The following MRC2 variants were observed in gnomAD, a reference collection of about 807,000 sequenced individuals.
The protein encoded by MRC2 is mannose receptor C-type 2.
Under a neutral mutation model 206.2 loss-of-function variants are expected in MRC2, and 84 were observed. That is an observed-to-expected ratio of 0.41 (90% CI 0.34 to 0.49). MRC2 has a LOEUF of 0.49. Ranked by LOEUF, MRC2 falls within the 20% of genes least tolerant of loss-of-function variation. The pLI, the probability that MRC2 is intolerant of heterozygous loss-of-function variation, is 0.31. For missense variants in MRC2, 1,676 were observed against 2,001.5 expected, an observed-to-expected ratio of 0.84 and a Z score of 3.10; for synonymous variants, 798 against 800.0, an observed-to-expected ratio of 1.00 and a Z score of 0.04.
chr17:62,643,179 T>G (rs1195792939), intron 1 of MRC2, among the ~76,000 whole-genome samples: 1 of 151,130 alleles, frequency 6.6e-6, no homozygotes, highest in Non-Finnish European at 1.5e-5. Context: ...AATACAAAAA[T>G]TAGCTGGGCA....
intron 6 of MRC2, among the ~76,000 whole-genome samples, chr17:62,668,387 T>A (rs8081192): frequency 0.095 from 13,794 of 145,852 alleles, 860 homozygotes; most frequent in South Asian, 0.17. Context: ...AATAAATAAA[T>A]TTAAAAAAAA....
In MRC2 at chr17:62,690,413, A is replaced by ACTT. The variant is rs1334470846; in HGVS notation, c.3892+109_3892+111dup. The stretch of plus-strand genomic sequence containing the variant: ...ACACTGCTCTCTACCCATAGGCAGC[A>ACTT]CTTACACAAGATGCCCTCGTGCTCT... On this transcript the variant is annotated intron_variant, in intron 26 of 29. Transcript: ENST00000303375. 36 of 1,436,944 alleles carry ACTT rather than the reference A, an allele frequency of 2.5e-5. No individual in the cohort carries two copies. The South Asian group carries it at 4.9e-4, about 20-fold the overall frequency. 89.0% of individuals were successfully genotyped at this position (1,436,944 alleles called of 1,614,324 possible). A position where few individuals can be genotyped will look rare whatever the true frequency, so the allele number is the denominator to read the frequency against.
chr17:62,688,761 T>C, intron 22 of MRC2, 91 bp from the exon 23 acceptor site: 1 of 1,590,440 alleles, frequency 6.3e-7, no homozygotes, highest in Non-Finnish European at 8.6e-7. Context: ...TCTCCCTTCT[T>C]CCAGCCTCTT....
chr17:62,676,585 A>ACTG lies in MRC2; in HGVS notation c.1834+55_1834+57dup, dbSNP rs2088895753. 3 of 1,538,086 alleles carry ACTG rather than the reference A, an allele frequency of 2.0e-6. No homozygotes were observed. The South Asian group carries it at 3.9e-5, about 20-fold the overall frequency. On this transcript the variant is annotated intron_variant, in intron 11 of 29. Coordinates refer to ENST00000303375, the MANE Select transcript of MRC2 (RefSeq NM_006039.5). ...GAAGCGAGGAGGGAGGCCAGGGTGGACTGGCCCTGCCAGCACCGAGCCCCA... is the reference window on the plus strand; with the variant it reads ...GAAGCGAGGAGGGAGGCCAGGGTGGACTGCTGGCCCTGCCAGCACCGAGCCCCA...
intron 1 of MRC2, among the ~76,000 whole-genome samples, chr17:62,651,934 G>C (rs1254396412): frequency 6.6e-6 from 1 of 152,108 alleles, no homozygotes; most frequent in African/African-American, 2.4e-5. Flanking sequence ...AATACATTTT[G>C]CTACACATTT....
rs1401543946 is a variant in MRC2 at position 62,688,625 on chromosome 17, G to A, written c.3186G>A (p.Glu1062=). The A allele has an allele frequency of 3.1e-6, 5 of 1,614,124 alleles. No individual in the cohort carries two copies. Among genetic ancestry groups the A allele is most frequent in the Non-Finnish European group, 4.2e-6 (5 of 1,180,034 alleles). Residue 1062 remains glutamate (E), a synonymous_variant, in exon 22 of 30, where the codon GAG becomes GAA. Coordinates refer to ENST00000303375, the MANE Select transcript of MRC2 (RefSeq NM_006039.5). ...PLMYANWAPG[E]PSGPSPAPSG... is the part of the protein sequence containing the mutation. ...TGTATGCCAACTGGGCACCTGGGGA[G>A]CCCTCTGGCCCTAGCCCTGCTCCCA...
intron 12 of MRC2, 74 bp from the exon 13 acceptor site, chr17:62,678,430 G>C: frequency 1.3e-6 from 2 of 1,558,450 alleles, no homozygotes; most frequent in Admixed American, 4.2e-5. Context: ...CTGCCATGGT[G>C]GGAAAGGCAG....
At chr17:62,660,746 T>A (rs2147459378) in intron 1 of MRC2, among the ~76,000 whole-genome samples, 1 of 152,266 alleles carries the variant, frequency 6.6e-6, no homozygotes, top group East Asian at 1.9e-4. Context: ...AAATCCAGAT[T>A]CCCTTTAACA....
At chr17:62,682,934 C>CCCGGCCTGATTG (rs1190560284) in intron 20 of MRC2, among the ~76,000 whole-genome samples, 1 of 152,076 alleles carries the variant, frequency 6.6e-6, no homozygotes, top group Non-Finnish European at 1.5e-5. Context: ...AGCCACCGCG[C>CCCGGCCTGATTG]CCGGCCTGAT....
rs767811631 is a variant in MRC2, at chr17:62,666,423, G to A, written c.695-32G>A. Reference sequence around the variant, plus strand: ...CTGCACTCCCGAGGGACCCTGGAGGGGGCCTGAAGGAGAGGGCTGTCGTGG... The same window carrying A: ...CTGCACTCCCGAGGGACCCTGGAGGAGGCCTGAAGGAGAGGGCTGTCGTGG... On this transcript the variant is annotated intron_variant, in intron 3 of 29. Transcript: ENST00000303375. This position sits in a 1 kb window ranked among gnomAD's most constrained non-coding sequence, Gnocchi z 5.0. 1.2e-6 allele frequency: 2 copies of A among 1,613,338 alleles called. No homozygotes were observed. Among genetic ancestry groups the A allele is most frequent in the Non-Finnish European group, 1.7e-6 (2 of 1,179,914 alleles).
chr17:62,628,777 G>A (rs1021605052), intron 1 of MRC2, among the ~76,000 whole-genome samples: 23 of 152,078 alleles, frequency 1.5e-4, no homozygotes, highest in Admixed American at 6.6e-4. Context: ...CCCTCGCCAA[G>A]AATCTAAGAG....
intron 9 of MRC2, among the ~76,000 whole-genome samples, chr17:62,674,699 TGA>T (rs112159482): frequency 0.049 from 6,975 of 141,498 alleles, 363 homozygotes; most frequent in African/African-American, 0.13. Context: ...TTAGGGAGGT[TGA>T]GGGGGGGGGT....
At chr17:62,678,476 C>T in intron 12 of MRC2, 28 bp from the exon 13 acceptor site, 1 of 1,609,012 alleles carries the variant, frequency 6.2e-7, no homozygotes, top group Non-Finnish European at 8.5e-7. Flanking sequence ...GTGGGGACAG[C>T]TTAGACAGCT....
rs150592174 is a variant in MRC2 at position 62,680,888 on chromosome 17, G to A, written c.2562G>A (p.Thr854=). Reference sequence around the variant, plus strand: ...GGGCGCAGGCGCAGCGCATCTGCACGTGGTTCCAGGCCGAGCTGACCTCGG... The same window carrying A: ...GGGCGCAGGCGCAGCGCATCTGCACATGGTTCCAGGCCGAGCTGACCTCGG... The part of the protein sequence containing the change: ...STWAQAQRIC[T]WFQAELTSVH... Residue 854 remains threonine (T), a synonymous_variant, in exon 17 of 30, where the codon ACG becomes ACA. Coordinates refer to ENST00000303375, the MANE Select transcript of MRC2 (RefSeq NM_006039.5). The surrounding 1 kb of genome is among the most constrained non-coding windows in gnomAD (Gnocchi z 4.8). The A allele has an allele frequency of 2.6e-5, 42 of 1,613,056 alleles. No homozygotes were observed. In the African/African-American group the frequency reaches 3.6e-4, roughly 14 times the overall value.
chr17:62,641,035 A>G (rs1021431106), intron 1 of MRC2, among the ~76,000 whole-genome samples: 3 of 151,156 alleles, frequency 2.0e-5, no homozygotes. Flanking sequence ...AATAGAAACA[A>G]GGTCTTGCTA....
In MRC2 at chr17:62,677,438, C is replaced by T. The variant is rs950424909; in HGVS notation, c.2004C>T (p.Ser668=). 101 of 1,611,488 alleles carry T rather than the reference C, an allele frequency of 6.3e-5. No homozygotes were observed. Among genetic ancestry groups the T allele is most frequent in the Non-Finnish European group, 8.3e-5 (98 of 1,179,322 alleles). ...GPDPTPSLTG[S]CPQGWASDTK... ...ATCCCACGCCCAGCCTCACTGGCTC[C>T]TGTCCCCAGGGCTGGGCCTCGGACA... The change falls in exon 12 of 30, where the codon TCC becomes TCT. Residue 668 remains serine (S), a synonymous_variant. Coordinates refer to ENST00000303375, the MANE Select transcript of MRC2 (RefSeq NM_006039.5).
chr17:62,643,956 T>C (rs1243168117), intron 1 of MRC2, among the ~76,000 whole-genome samples: 1 of 151,190 alleles, frequency 6.6e-6, no homozygotes, highest in Non-Finnish European at 1.5e-5. Context: ...TATATTTATG[T>C]ATATATATGT....
At chr17:62,636,746 C>T (rs1050981699) in intron 1 of MRC2, among the ~76,000 whole-genome samples, 2 of 152,130 alleles carry the variant, frequency 1.3e-5, no homozygotes, top group African/African-American at 2.4e-5. Flanking sequence ...GCTGCGATTA[C>T]AGGCGTGAGT....
At chr17:62,628,527 T>C (rs2147418876) in intron 1 of MRC2, among the ~76,000 whole-genome samples, 1 of 152,306 alleles carries the variant, frequency 6.6e-6, no homozygotes, top group Non-Finnish European at 1.5e-5. Flanking sequence ...AGGAGGCTCC[T>C]GCCACTGGGA....
Sources: allele counts gnomAD v4.1 joint callset (sites outside exome capture counted in the v4.1 genomes callset), GRCh38; gene constraint gnomAD v4.1.1; non-coding constraint Gnocchi (gnomAD v3.1); transcripts MANE v1.5; gene names NCBI Gene and HGNC (gene_info 2026-07-23, HGNC 2026-07-21).